PCDHGA2: variants seen among roughly 807,000 people sequenced by gnomAD.
The protein encoded by PCDHGA2 is protocadherin gamma subfamily A, 2.
A neutral mutation model predicts 59.2 loss-of-function variants in PCDHGA2; 40 were observed. The observed-to-expected ratio is 0.68, with a 90% CI of 0.52 to 0.88. The LOEUF (loss-of-function observed/expected upper bound fraction) is 0.88, where lower values mean the gene tolerates loss of function less well. Among genes scored for constraint, PCDHGA2 ranks in the 40% least tolerant of loss-of-function variants. The pLI is 0.00. For synonymous variants in PCDHGA2, 560 were observed against 526.0 expected (o/e 1.06, Z -0.89); for missense variants, 1,226 against 1,204.0 (o/e 1.02, Z -0.27).
At chr5:141,385,227 A>G (rs781548290) in intron 1 of PCDHGA2, 1 of 1,614,220 alleles carries the variant, frequency 6.2e-7, no homozygotes, top group South Asian at 1.1e-5. Context: ...CCAACTATGT[A>G]GACATGCTCA....
At chr5:141,360,900 G>A in intron 1 of PCDHGA2, 1 of 1,614,038 alleles carries the variant, frequency 6.2e-7, no homozygotes, top group Non-Finnish European at 8.5e-7. Context: ...GGGAGGACGT[G>A]CCGCCGGGCT....
intron 1 of PCDHGA2, chr5:141,433,015 C>T (rs2154555449): frequency 2.5e-6 from 4 of 1,614,172 alleles, no homozygotes; most frequent in South Asian, 2.2e-5. Flanking sequence ...TCCTGCAGAC[C>T]TATTCCCACG....
rs764692908 is a variant in PCDHGA2 at position 141,431,246 on chromosome 5, G to C, written c.2425-63561G>C. On this transcript the variant is annotated intron_variant, in intron 1 of 3. Coordinates refer to ENST00000394576, the MANE Select transcript of PCDHGA2 (RefSeq NM_018915.4). The surrounding 1 kb of genome is among the most constrained non-coding windows in gnomAD (Gnocchi z 4.8). ...ACCCCACGCCTGGGATCCGGATATC[G>C]GGAAGAACTCTCTGCAGAGCTACGA... 9 of 1,613,982 alleles carry C rather than the reference G, an allele frequency of 5.6e-6. No individual in the cohort carries two copies. Among genetic ancestry groups the C allele is most frequent in the Non-Finnish European group, 7.6e-6 (9 of 1,180,050 alleles).
chr5:141,382,218 T>C (rs188591705), intron 1 of PCDHGA2, among the ~76,000 whole-genome samples: 1 of 152,328 alleles, frequency 6.6e-6, no homozygotes, highest in East Asian at 1.9e-4. Flanking sequence ...TAGGTCTATA[T>C]ATTTTACAAC....
At chr5:141,427,897 C>T (rs866283444) in intron 1 of PCDHGA2, 1 of 1,571,008 alleles carries the variant, frequency 6.4e-7, no homozygotes. Context: ...CAGGGCTCGC[C>T]CGCGCTCAGC....
At chr5:141,365,771 A>T in intron 1 of PCDHGA2, 1 of 1,613,880 alleles carries the variant, frequency 6.2e-7, no homozygotes, top group South Asian at 1.1e-5. Context: ...TGACCCCGAC[A>T]GCGGCGACAA....
chr5:141,365,416 C>G, intron 1 of PCDHGA2: 1 of 1,613,930 alleles, frequency 6.2e-7, no homozygotes, highest in Non-Finnish European at 8.5e-7. Context: ...ACTGTCTTCC[C>G]GGAACTGTAA....
intron 3 of PCDHGA2, among the ~76,000 whole-genome samples, chr5:141,510,089 C>G (rs2099879446): frequency 6.6e-6 from 1 of 152,136 alleles, no homozygotes; most frequent in African/African-American, 2.4e-5. Flanking sequence ...GCCTGGCACA[C>G]AGTAGGTGCT....
In PCDHGA2 at chr5:141,409,944, C is replaced by T. The variant is rs779095634; in HGVS notation, c.2424+68549C>T. The T allele has an allele frequency of 6.2e-7, 1 of 1,613,302 alleles. No individual in the cohort carries two copies. The highest frequency in any genetic ancestry group is 1.7e-5 in the Admixed American group (1 of 60,024). On this transcript the variant is annotated intron_variant, in intron 1 of 3. Transcript: ENST00000394576. ...GCGTTCTTCGATATGGTACCTCGCTCTGCAGAGCCCGGCTACCTAGTGACT... is the reference window on the plus strand; with the variant it reads ...GCGTTCTTCGATATGGTACCTCGCTTTGCAGAGCCCGGCTACCTAGTGACT...
intron 1 of PCDHGA2, chr5:141,409,877 G>A: frequency 6.2e-7 from 1 of 1,612,860 alleles, no homozygotes; most frequent in Non-Finnish European, 8.5e-7. Context: ...CAATGACAAC[G>A]CACCGCGGGT....
At chr5:141,433,765 A>G (rs1389737053) in intron 1 of PCDHGA2, among the ~76,000 whole-genome samples, 1 of 148,692 alleles carries the variant, frequency 6.7e-6, no homozygotes, top group Non-Finnish European at 1.5e-5. Flanking sequence ...TTAACCTGGG[A>G]GGTGGAGGTT....
At chr5:141,371,794 C>T (rs776687123) in intron 1 of PCDHGA2, 2 of 1,613,950 alleles carry the variant, frequency 1.2e-6, no homozygotes, top group South Asian at 2.2e-5. Context: ...AACAATCCGC[C>T]TGGAGCCTCC....
At chr5:141,393,115 G>A (rs1342924521) in intron 1 of PCDHGA2, 1 of 1,613,438 alleles carries the variant, frequency 6.2e-7, no homozygotes. Context: ...CAGAGCCCGC[G>A]GTGTCTGATA....
chr5:141,370,950 C>T (rs78666647), intron 1 of PCDHGA2: 61,748 of 1,613,994 alleles, frequency 0.038, 1,384 homozygotes, highest in Middle Eastern at 0.054. Flanking sequence ...GAAGGAGAAC[C>T]TGGATGGCAG....
chr5:141,510,141 T>C (rs1596266322), intron 3 of PCDHGA2, among the ~76,000 whole-genome samples: 1 of 152,014 alleles, frequency 6.6e-6, no homozygotes. Flanking sequence ...GGGCTAGTGG[T>C]GTGCACCTGT....
At chr5:141,406,371 C>T (rs893677721) in intron 1 of PCDHGA2, among the ~76,000 whole-genome samples, 1 of 152,154 alleles carries the variant, frequency 6.6e-6, no homozygotes, top group African/African-American at 2.4e-5. Context: ...TAAGGGTAAA[C>T]TGATAAAAAG....
chr5:141,340,241 G>T lies in PCDHGA2; in HGVS notation c.1270G>T (p.Ala424Ser), dbSNP rs543278330. Residue 424 changes from alanine to serine, a missense_variant, in exon 1 of 4, where the codon GCT becomes TCT. Coordinates refer to ENST00000394576, the MANE Select transcript of PCDHGA2 (RefSeq NM_018915.4). ...TTCCTTTTACAACATCACTCTAACC[G>T]CTAAAGATGGAGGGAACCCCTCCCT... ...QFSFYNITLT[A>S]KDGGNPSLST... is the part of the protein sequence containing the mutation. 6.2e-7 allele frequency: 1 copy of T among 1,614,000 alleles called. No individual in the cohort carries two copies. The highest frequency in any genetic ancestry group is 1.7e-5 in the Admixed American group (1 of 60,004).
chr5:141,371,611 C>G (rs561217101), intron 1 of PCDHGA2: 1 of 1,613,996 alleles, frequency 6.2e-7, no homozygotes, highest in Non-Finnish European at 8.5e-7. Context: ...AGGTTGGTGA[C>G]AGATGGAGCC....
Position 141,422,340 on chromosome 5 carries a change from T to C in PCDHGA2, c.2425-72467T>C, listed in dbSNP as rs776306472. ...CAGGTACAGTGATTGCTCTTCTAAA[T>C]GTGCAAGATCAAGATTCTGGAGAAA... On this transcript the variant is annotated intron_variant, in intron 1 of 3. Transcript: ENST00000394576. 2.6e-6 allele frequency: 4 copies of C among 1,550,190 alleles called. 1 individual carries two copies. Among genetic ancestry groups the C allele is most frequent in the Non-Finnish European group, 3.5e-6 (4 of 1,154,238 alleles).
Sources: allele counts gnomAD v4.1 joint callset (sites outside exome capture counted in the v4.1 genomes callset), GRCh38; gene constraint gnomAD v4.1.1; non-coding constraint Gnocchi (gnomAD v3.1); transcripts MANE v1.5; gene names NCBI Gene and HGNC (gene_info 2026-07-23, HGNC 2026-07-21).